The following ROS1 variants were observed in gnomAD, a reference collection of about 807,000 sequenced individuals.
ROS1 encodes the protein ROS proto-oncogene 1, receptor tyrosine kinase.
A neutral mutation model predicts 273.5 loss-of-function variants in ROS1; 263 were observed. That is an observed-to-expected ratio of 0.96 (90% CI 0.87 to 1.06). The LOEUF (loss-of-function observed/expected upper bound fraction) is 1.06. Among genes scored for constraint, ROS1 ranks in the 50% least tolerant of loss-of-function variants. The pLI is 0.00. For missense variants in ROS1, 2,833 were observed against 2,751.1 expected (o/e 1.03, Z -0.67); for synonymous variants, 1,008 against 954.1 (o/e 1.06, Z -1.04).
intron 37 of ROS1, 33 bp downstream of exon 37, chr6:117,319,835 T>C: frequency 1.3e-6 from 2 of 1,590,662 alleles, no homozygotes; most frequent in South Asian, 2.2e-5. Context: ...TATGGTGATA[T>C]AATGTGTCAA....
Position 117,311,068 on chromosome 6 carries a change from T to G in ROS1, c.6167A>C (p.Asp2056Ala). ...TLVDLVDLCV[D>A]ISKGCVYLER... ...CAAGTAGACACAGCCTTTTGAAATA[T>G]CTACACACAGGTCTACAAGGTCAAC... Residue 2056 changes from aspartate to alanine, a missense_variant, in exon 40 of 44, where the codon GAT becomes GCT. Asp to Ala is a moderately radical substitution (Grantham distance 126, BLOSUM62 -2). Transcript: ENST00000368507. 6.2e-7 allele frequency: 1 copy of G among 1,611,990 alleles called. No individual in the cohort carries two copies. Among genetic ancestry groups the G allele is most frequent in the Non-Finnish European group, 8.5e-7 (1 of 1,178,938 alleles).
At chr6:117,361,231 T>C (rs2128651986) in intron 22 of ROS1, among the ~76,000 whole-genome samples, 1 of 152,160 alleles carries the variant, frequency 6.6e-6, no homozygotes, top group African/African-American at 2.4e-5. Flanking sequence ...ATGTAATAAA[T>C]TATTTCCATT....
chr6:117,348,862 G>A (rs1201887831), intron 27 of ROS1, among the ~76,000 whole-genome samples: 1 of 151,858 alleles, frequency 6.6e-6, no homozygotes, highest in African/African-American at 2.4e-5. Context: ...GAAATACGTT[G>A]TTTAATCTCC....
intron 31 of ROS1, among the ~76,000 whole-genome samples, 199 bp from the exon 32 acceptor site, chr6:117,337,539 T>G (rs963107462): frequency 1.3e-5 from 2 of 152,212 alleles, no homozygotes; most frequent in African/African-American, 4.8e-5. Flanking sequence ...ATATAACTGA[T>G]TTACATGACT....
At position 117,409,566 on chromosome 6, in the gene ROS1, G is replaced by T; in HGVS notation, c.316+16C>A. ...TGGTGCAGCCTATTTTTTAAAAGTC[G>T]TGTGTGTCCTCTTACCCAGTACTTC... On this transcript the variant is annotated intron_variant, in intron 5 of 43. Coordinates refer to ENST00000368507, the MANE Select transcript of ROS1 (RefSeq NM_001378902.1). The T allele has an allele frequency of 6.2e-7, 1 of 1,605,098 alleles. No individual in the cohort carries two copies. The highest frequency in any genetic ancestry group is 1.7e-4 in the Middle Eastern group (1 of 6,042).
intron 28 of ROS1, 41 bp downstream of exon 28, chr6:117,344,019 A>C (rs200986525): frequency 2.1e-4 from 314 of 1,507,510 alleles, no homozygotes; most frequent in Non-Finnish European, 2.8e-4. Context: ...TCAAAAAAGA[A>C]CATCTTGTGA....
intron 3 of ROS1, among the ~76,000 whole-genome samples, chr6:117,414,768 G>A (rs756404088): frequency 9.9e-4 from 151 of 152,340 alleles, no homozygotes; most frequent in Admixed American, 2.4e-3. Context: ...GGAAAAATGG[G>A]AGAATATGAT....
intron 42 of ROS1, among the ~76,000 whole-genome samples, chr6:117,302,682 C>T (rs904679217): frequency 3.3e-5 from 5 of 152,178 alleles, no homozygotes; most frequent in African/African-American, 1.2e-4. Context: ...TAGCTCTCAA[C>T]AAAATGTTCA....
chr6:117,391,347 T>G (rs1412097050), intron 12 of ROS1, among the ~76,000 whole-genome samples: 1 of 152,058 alleles, frequency 6.6e-6, no homozygotes, highest in Non-Finnish European at 1.5e-5. Flanking sequence ...CTGTGGTAAA[T>G]ATTACAATTA....
chr6:117,314,682 C>G (rs1481293037), intron 39 of ROS1, among the ~76,000 whole-genome samples: 1 of 152,126 alleles, frequency 6.6e-6, no homozygotes, highest in African/African-American at 2.4e-5. Context: ...ACATACTGAG[C>G]CTTGAGACCT....
chr6:117,402,821 G>A (rs1479424680), intron 7 of ROS1, among the ~76,000 whole-genome samples: 11 of 150,728 alleles, frequency 7.3e-5, no homozygotes, highest in Admixed American at 7.3e-4. Flanking sequence ...CCAGGAGGTG[G>A]AGGTTGCAGT....
chr6:117,404,885 T>A (rs761356168), intron 5 of ROS1, among the ~76,000 whole-genome samples: 7 of 152,220 alleles, frequency 4.6e-5, no homozygotes, highest in Non-Finnish European at 8.8e-5. Context: ...AAATTATTTT[T>A]TATATGTACA....
At chr6:117,302,897 A>G (rs1376507728) in intron 42 of ROS1, among the ~76,000 whole-genome samples, 1 of 152,152 alleles carries the variant, frequency 6.6e-6, no homozygotes, top group Non-Finnish European at 1.5e-5. Context: ...AAGCCTACAG[A>G]GGAGGTTTCC....
intron 42 of ROS1, among the ~76,000 whole-genome samples, chr6:117,307,903 C>T (rs2128544710): frequency 6.6e-6 from 1 of 152,212 alleles, no homozygotes; most frequent in South Asian, 2.1e-4. Context: ...CAGTTTAGCA[C>T]TTTATTACAT....
intron 4 of ROS1, among the ~76,000 whole-genome samples, chr6:117,409,942 C>T (rs558651878): frequency 1.3e-5 from 2 of 152,200 alleles, no homozygotes; most frequent in East Asian, 3.9e-4. Flanking sequence ...AAAAAGATTC[C>T]TGAAATGATC....
chr6:117,352,215 G>A (rs954326307), intron 27 of ROS1, among the ~76,000 whole-genome samples: 1 of 152,126 alleles, frequency 6.6e-6, no homozygotes, highest in Non-Finnish European at 1.5e-5. Flanking sequence ...CGAGTAGCTG[G>A]GACTACAGGC....
rs762938706 is a variant in ROS1 at position 117,356,883 on chromosome 6, C to A, written c.3872G>T (p.Gly1291Val). The A allele has an allele frequency of 6.2e-7, 1 of 1,613,756 alleles. No homozygotes were observed. The highest frequency in any genetic ancestry group is 1.7e-5 in the Admixed American group (1 of 59,968). The change falls in exon 26 of 44, where the codon GGC becomes GTC. Residue 1291 changes from glycine (G) to valine (V), a missense_variant. By Grantham distance (109) the Gly-to-Val change is moderately radical. Coordinates refer to ENST00000368507, the MANE Select transcript of ROS1 (RefSeq NM_001378902.1). Reference sequence around the variant, plus strand: ...AATACTGTAGTAGAACATCTGGTAGCCAAAATTGGAAACTTCTGTCCAATA... The same window carrying A: ...AATACTGTAGTAGAACATCTGGTAGACAAAATTGGAAACTTCTGTCCAATA... ...RLYWTEVSNF[G>V]YQMFYYSIIS...
chr6:117,347,957 G>A (rs1028835517), intron 27 of ROS1, among the ~76,000 whole-genome samples: 1 of 151,958 alleles, frequency 6.6e-6, no homozygotes, highest in African/African-American at 2.4e-5. Context: ...TATATTGCTC[G>A]ATTTGATTTG....
intron 21 of ROS1, among the ~76,000 whole-genome samples, chr6:117,364,849 T>C (rs1448041193): frequency 6.6e-6 from 1 of 152,252 alleles, no homozygotes; most frequent in Non-Finnish European, 1.5e-5. Flanking sequence ...GAAATGGCTG[T>C]TAAGAAATCT....
Sources: gnomAD v4.1 joint callset for allele counts (sites outside exome capture counted in the v4.1 genomes callset) on GRCh38, gnomAD v4.1.1 for gene constraint, MANE v1.5 for transcripts, NCBI Gene and HGNC (gene_info 2026-07-23, HGNC 2026-07-21) for gene names.